The following GABRB3 variants were observed in gnomAD, a reference collection of about 807,000 sequenced individuals.
GABRB3 encodes gamma-aminobutyric acid receptor subunit beta-3.
In GABRB3, 14 loss-of-function variants were observed where a neutral mutation model predicts 52.1. The ratio of observed to expected loss-of-function variants is 0.27; its 90% CI spans 0.18 to 0.42. The LOEUF (loss-of-function observed/expected upper bound fraction) is 0.42. Among genes scored for constraint, GABRB3 ranks in the 10% least tolerant of loss-of-function variants. GABRB3 has a pLI of 1.00. For missense variants in GABRB3, 307 were observed against 609.1 expected, an observed-to-expected ratio of 0.50 and a Z score of 5.22; for synonymous variants, 260 against 232.3, an observed-to-expected ratio of 1.12 and a Z score of -1.08.
chr15:26,731,316 A>T (rs1188473729), intron 3 of GABRB3, among the ~76,000 whole-genome samples: 1 of 152,216 alleles, frequency 6.6e-6, no homozygotes, highest in Non-Finnish European at 1.5e-5. Context: ...GGTTTTCAAA[A>T]GACTGCTTCC....
At chr15:26,561,956 T>C (rs1466970142) in intron 7 of GABRB3, among the ~76,000 whole-genome samples, 5 of 152,222 alleles carry the variant, frequency 3.3e-5, no homozygotes, top group Admixed American at 3.3e-4. Flanking sequence ...TTTTTTTAAA[T>C]GTCGTTATGT....
rs139937671 is a variant in GABRB3, at chr15:26,551,462, C to T, written c.1081-3328G>A. Among the ~76,000 whole-genome samples the T allele has an allele frequency of 7.3e-3, 1,108 of 152,326 alleles. 15 individuals carry two copies. Among genetic ancestry groups the T allele is most frequent in the African/African-American group, 0.026 (1,063 of 41,578 alleles). On this transcript the variant is annotated intron_variant, in intron 8 of 8. Coordinates refer to ENST00000311550, the MANE Select transcript of GABRB3 (RefSeq NM_000814.6). ...TTTTCCTTAAGCCTCGAGACACACA[C>T]GGCATGCCCACAGCAGCAACGCTGG...
At chr15:26,676,443 A>G (rs1353724793) in intron 3 of GABRB3, among the ~76,000 whole-genome samples, 1 of 152,124 alleles carries the variant, frequency 6.6e-6, no homozygotes, top group Non-Finnish European at 1.5e-5. Flanking sequence ...TAGGACTAAA[A>G]CTACCACTTG....
Position 26,772,987 on chromosome 15 carries a change from G to A in GABRB3, c.-25C>T. The A allele has an allele frequency of 1.5e-6, 2 of 1,365,526 alleles. No individual in the cohort carries two copies. The highest frequency in any genetic ancestry group is 1.9e-6 in the Non-Finnish European group (2 of 1,049,462). The allele number at this position is 1,365,526 out of a possible 1,614,324, so 84.6% of individuals were successfully genotyped here. A position where few individuals can be genotyped will look rare whatever the true frequency, so the allele number is the denominator to read the frequency against. On this transcript the variant is annotated 5_prime_UTR_variant, in exon 1 of 9. Transcript: ENST00000311550. ...TCCCTCCGCCGCGCCCCGGCACGGG[G>A]GAGGGGGCGCCCCGCCGCCGTCGCG...
chr15:26,591,350 A>C (rs1206647296), intron 4 of GABRB3, among the ~76,000 whole-genome samples: 2 of 152,212 alleles, frequency 1.3e-5, no homozygotes, highest in African/African-American at 4.8e-5. Flanking sequence ...GAGTGTCATA[A>C]GATAGCAAAA....
At chr15:26,744,150 A>G (rs1416636449) in intron 3 of GABRB3, among the ~76,000 whole-genome samples, 1 of 152,202 alleles carries the variant, frequency 6.6e-6, no homozygotes, top group Non-Finnish European at 1.5e-5. Flanking sequence ...TGACGCATAT[A>G]AAAATAGCAC....
intron 4 of GABRB3, among the ~76,000 whole-genome samples, chr15:26,586,285 C>T (rs1890980630): frequency 6.6e-6 from 1 of 152,018 alleles, no homozygotes; most frequent in South Asian, 2.1e-4. Context: ...GCGTGAGCCA[C>T]CGCGCCTGGC....
At chr15:26,680,454 T>TATA (rs2140646485) in intron 3 of GABRB3, among the ~76,000 whole-genome samples, 1 of 152,296 alleles carries the variant, frequency 6.6e-6, no homozygotes, top group South Asian at 2.1e-4. Context: ...TCCTACCCTA[T>TATA]GGGCACCCTA....
chr15:26,574,934 A>C (rs1052123717), intron 6 of GABRB3, among the ~76,000 whole-genome samples: 12 of 152,344 alleles, frequency 7.9e-5, no homozygotes, highest in African/African-American at 2.9e-4. Flanking sequence ...AATGTTTACT[A>C]CATGTATTTT....
Position 26,644,678 on chromosome 15 carries a change from AGACGGAT to A in GABRB3, c.241-23151_241-23145del, listed in dbSNP as rs1227913277. Among the ~76,000 whole-genome samples the A allele has an allele frequency of 1.1e-3, 167 of 152,352 alleles. 1 individual carries two copies. Among genetic ancestry groups the A allele is most frequent in the African/African-American group, 3.9e-3 (163 of 41,596 alleles). On this transcript the variant is annotated intron_variant, in intron 3 of 8. Transcript: ENST00000311550. ...GGTACATTGCCATGGCAGCCCTAGCAGACGGATACACTGCTGCAGCCCATGAGGAGTG... is the reference window on the plus strand; with the variant it reads ...GGTACATTGCCATGGCAGCCCTAGCAACACTGCTGCAGCCCATGAGGAGTG...
intron 8 of GABRB3, among the ~76,000 whole-genome samples, chr15:26,550,944 A>G (rs1889440044): frequency 6.6e-6 from 1 of 152,232 alleles, no homozygotes; most frequent in Admixed American, 6.5e-5. Context: ...GCCTCAAAGA[A>G]CGAGTAGAAA....
chr15:26,554,055 T>G (rs10444897), intron 8 of GABRB3, among the ~76,000 whole-genome samples: 1 of 48,338 alleles, frequency 2.1e-5, no homozygotes, highest in Non-Finnish European at 4.7e-5. Context: ...TTATATTTAT[T>G]TATATATAAA....
chr15:26,758,044 G>C (rs1404209603), intron 3 of GABRB3, among the ~76,000 whole-genome samples: 2 of 151,406 alleles, frequency 1.3e-5, no homozygotes, highest in East Asian at 3.9e-4. Flanking sequence ...TGTTCTGATT[G>C]TTGTTGTTTT....
At chr15:26,768,121 T>C (rs887334198) in intron 3 of GABRB3, among the ~76,000 whole-genome samples, 1 of 152,140 alleles carries the variant, frequency 6.6e-6, no homozygotes, top group Non-Finnish European at 1.5e-5. Context: ...AAAATACACA[T>C]TGTATGTTAC....
intron 3 of GABRB3, among the ~76,000 whole-genome samples, chr15:26,724,534 C>T (rs1358948756): frequency 6.6e-6 from 1 of 152,116 alleles, no homozygotes; most frequent in Non-Finnish European, 1.5e-5. Context: ...AATAACCAAC[C>T]AGCATTCTTT....
chr15:26,589,087 A>T (rs946348689), intron 4 of GABRB3, among the ~76,000 whole-genome samples: 1 of 152,210 alleles, frequency 6.6e-6, no homozygotes, highest in Non-Finnish European at 1.5e-5. Flanking sequence ...AGATCCACGG[A>T]TGTCAGTGTG....
intron 3 of GABRB3, among the ~76,000 whole-genome samples, chr15:26,723,827 C>T (rs1336998843): frequency 1.3e-5 from 2 of 152,138 alleles, no homozygotes; most frequent in African/African-American, 4.8e-5. Flanking sequence ...TTCCTAGGCT[C>T]CACTGTTTTT....
chr15:26,573,091 A>T (rs1191617619), intron 6 of GABRB3, among the ~76,000 whole-genome samples: 1 of 152,194 alleles, frequency 6.6e-6, no homozygotes, highest in Non-Finnish European at 1.5e-5. Flanking sequence ...CTGTGAACTA[A>T]TAAGCTGGTA....
intron 3 of GABRB3, among the ~76,000 whole-genome samples, chr15:26,751,300 TCAACTGGCAA>T (rs1195701077): frequency 6.6e-6 from 1 of 152,182 alleles, no homozygotes; most frequent in Non-Finnish European, 1.5e-5. Flanking sequence ...CTTTTAAACA[TCAACTGGCAA>T]CAATTACATT....
Sources: gnomAD v4.1 joint callset for allele counts (sites outside exome capture counted in the v4.1 genomes callset) on GRCh38, gnomAD v4.1.1 for gene constraint, MANE v1.5 for transcripts, NCBI Gene and HGNC (gene_info 2026-07-23, HGNC 2026-07-21) for gene names.